Variants in DOCK8 observed in about 807,000 individuals in gnomAD.
The protein encoded by DOCK8 is dedicator of cytokinesis 8, also known as dedicator of cytokinesis protein 8.
A neutral mutation model predicts 245.6 loss-of-function variants in DOCK8; 141 were observed. The observed-to-expected ratio is 0.57, with a 90% confidence interval of 0.50 to 0.66. The LOEUF (loss-of-function observed/expected upper bound fraction) is 0.66, where lower values mean the gene tolerates loss of function less well. Among genes scored for constraint, DOCK8 ranks in the 30% least tolerant of loss-of-function variants. The pLI, the probability that DOCK8 is intolerant of heterozygous loss-of-function variation, is 0.00. For missense variants in DOCK8, 2,965 were observed against 2,603.4 expected, an observed-to-expected ratio of 1.14 and a Z score of -3.02; for synonymous variants, 1,168 against 970.2, an observed-to-expected ratio of 1.20 and a Z score of -3.79.
intron 2 of DOCK8, among the ~76,000 whole-genome samples, chr9:275,786 A>C (rs2094461): frequency 0.12 from 17,906 of 151,938 alleles, 2,080 homozygotes; most frequent in African/African-American, 0.3. Flanking sequence ...ACAGGGTTTC[A>C]CCATGTTGGC....
chr9:319,318 T>G (rs908390367), intron 7 of DOCK8, among the ~76,000 whole-genome samples: 3 of 152,184 alleles, frequency 2.0e-5, no homozygotes, highest in South Asian at 2.1e-4. Context: ...TGAATATCTC[T>G]TAATGAAAAT....
chr9:368,523 G>C (rs1177120463), intron 15 of DOCK8: 3 of 535,538 alleles, frequency 5.6e-6, no homozygotes, highest in East Asian at 6.1e-5. Flanking sequence ...TACACACACA[G>C]TGTTACACAC....
intron 40 of DOCK8, among the ~76,000 whole-genome samples, chr9:440,972 G>A (rs1587058923): frequency 6.6e-6 from 1 of 152,234 alleles, no homozygotes; most frequent in South Asian, 2.1e-4. Context: ...GGGTTCAAGT[G>A]ATCCTCCTGC....
intron 1 of DOCK8, among the ~76,000 whole-genome samples, chr9:249,931 G>C (rs990538124): frequency 2.6e-5 from 4 of 151,998 alleles, no homozygotes; most frequent in Non-Finnish European, 5.9e-5. Context: ...CCTGGCTGAC[G>C]TGCTATTACT....
At chr9:215,444 G>T in intron 1 of DOCK8, 1 of 1,496,704 alleles carries the variant, frequency 6.7e-7, no homozygotes. Flanking sequence ...GGGAAGAAGT[G>T]AAGTGGCTGA....
In DOCK8 at chr9:237,957, C is replaced by T. The variant is rs1340132574; in HGVS notation, c.53+22928C>T. On this transcript the variant is annotated intron_variant, in intron 1 of 47. Coordinates refer to ENST00000432829, the MANE Select transcript of DOCK8 (RefSeq NM_203447.4). ...GGCAGATGACATTCTAAATTATTCA[C>T]TCCCACTTGTGGAATAGCTGAGTTA... Among the ~76,000 whole-genome samples, 4 of 152,264 alleles carry T rather than the reference C, an allele frequency of 2.6e-5. 1 individual carries two copies. The South Asian group carries it at 8.3e-4, about 32-fold the overall frequency.
intron 35 of DOCK8, among the ~76,000 whole-genome samples, chr9:428,766 C>T (rs916717217): frequency 2.6e-5 from 4 of 152,130 alleles, no homozygotes; most frequent in African/African-American, 9.7e-5. Flanking sequence ...GACATGAGAA[C>T]AGAGATCAAC....
intron 14 of DOCK8, among the ~76,000 whole-genome samples, chr9:346,356 T>C (rs2051886998): frequency 6.6e-6 from 1 of 152,102 alleles, no homozygotes; most frequent in African/African-American, 2.4e-5. Flanking sequence ...GAAAACAGCA[T>C]GGGCTGAGGC....
At chr9:400,816 C>CATT (rs1586916660) in intron 26 of DOCK8, among the ~76,000 whole-genome samples, 2 of 122,056 alleles carry the variant, frequency 1.6e-5, no homozygotes, top group Non-Finnish European at 3.4e-5. Flanking sequence ...CCATCACCAC[C>CATT]ACCTCCACCA....
At chr9:253,332 C>G (rs2047695082) in intron 1 of DOCK8, among the ~76,000 whole-genome samples, 1 of 152,166 alleles carries the variant, frequency 6.6e-6, no homozygotes, top group South Asian at 2.1e-4. Context: ...ACAAGCATAG[C>G]AAGTTATGAT....
intron 1 of DOCK8, among the ~76,000 whole-genome samples, chr9:255,661 C>G (rs2047752055): frequency 1.1e-5 from 1 of 90,614 alleles, no homozygotes; most frequent in African/African-American, 4.3e-5. Context: ...GAGCAAGACT[C>G]CATCTCCAAA....
At chr9:463,835 G>T (rs1330054423) in intron 47 of DOCK8, 148 bp downstream of exon 47, 1 of 960,158 alleles carries the variant, frequency 1.0e-6, no homozygotes, top group Non-Finnish European at 1.6e-6. Context: ...GGCTACCAGA[G>T]TGTGATTCAT....
intron 46 of DOCK8, chr9:460,597 A>G (rs988833970): frequency 2.0e-5 from 3 of 152,238 alleles, no homozygotes; most frequent in African/African-American, 7.2e-5. Context: ...AACCTTAGCT[A>G]TCCTATAATT....
At chr9:402,484 G>A (rs182634502) in intron 26 of DOCK8, among the ~76,000 whole-genome samples, 107 of 152,228 alleles carry the variant, frequency 7.0e-4, no homozygotes, top group Admixed American at 1.8e-3. Context: ...TGACATCCAC[G>A]GATGTTACTT....
At chr9:367,901 A>T (rs943384284) in intron 14 of DOCK8, 117 bp from the exon 15 acceptor site, 16 of 796,890 alleles carry the variant, frequency 2.0e-5, no homozygotes, top group Middle Eastern at 3.5e-4. Flanking sequence ...CACTTCTGAG[A>T]GGAAAAACTT....
At chr9:429,618 A>T in intron 35 of DOCK8, 84 bp from the exon 36 acceptor site, 5 of 1,545,980 alleles carry the variant, frequency 3.2e-6, no homozygotes, top group Non-Finnish European at 4.5e-6. Context: ...TTGCTTGTCC[A>T]AATGGACATT....
At chr9:324,252 G>C (rs946211339) in intron 7 of DOCK8, among the ~76,000 whole-genome samples, 3 of 152,182 alleles carry the variant, frequency 2.0e-5, no homozygotes, top group African/African-American at 7.2e-5. Flanking sequence ...CTCATATTCT[G>C]TCCAAATATT....
chr9:327,985 G>A, intron 8 of DOCK8, 37 bp from the exon 9 acceptor site: 4 of 1,600,322 alleles, frequency 2.5e-6, no homozygotes, highest in Non-Finnish European at 3.4e-6. Context: ...GAATGCAACA[G>A]GTCTAACTTA....
intron 5 of DOCK8, among the ~76,000 whole-genome samples, chr9:311,183 G>C (rs774837954): frequency 6.6e-6 from 1 of 151,990 alleles, no homozygotes; most frequent in African/African-American, 2.4e-5. Context: ...TGCTAGGGAG[G>C]CCGACGCAGG....
Sources: allele counts gnomAD v4.1 joint callset (sites outside exome capture counted in the v4.1 genomes callset), GRCh38; gene constraint gnomAD v4.1.1; transcripts MANE v1.5; gene names NCBI Gene and HGNC (gene_info 2026-07-23, HGNC 2026-07-21).